The following IL1RAPL2 variants were observed in gnomAD, a reference collection of about 807,000 sequenced individuals.
The protein encoded by IL1RAPL2 is X-linked interleukin-1 receptor accessory protein-like 2.
In IL1RAPL2, 3 loss-of-function variants were observed where a neutral mutation model predicts 44.1. The observed-to-expected ratio is 0.07, with a 90% CI of 0.03 to 0.18. The LOEUF is 0.18. Among genes scored for constraint, IL1RAPL2 ranks in the 10% least tolerant of loss-of-function variants. The probability of loss-of-function intolerance (pLI) is 1.00; values close to 1 mark genes in which losing one functional copy is unlikely to be tolerated. For synonymous variants in IL1RAPL2, 181 were observed against 178.8 expected, an observed-to-expected ratio of 1.01 and a Z score of -0.10; for missense variants, 391 against 496.4, an observed-to-expected ratio of 0.79 and a Z score of 2.02.
At chrX:105,595,696 T>G (rs1328150870) in intron 6 of IL1RAPL2, among the ~76,000 whole-genome samples, 1 of 111,257 alleles carries the variant, frequency 9.0e-6, no homozygotes, top group Non-Finnish European at 1.9e-5. Context: ...AGTTTGGAAG[T>G]GTTCCCTCTA....
At chrX:105,116,988 G>C (rs1318951999) in intron 2 of IL1RAPL2, among the ~76,000 whole-genome samples, 1 of 112,283 alleles carries the variant, frequency 8.9e-6, no homozygotes, top group African/African-American at 3.2e-5. Context: ...GAGCAATCTA[G>C]TACAATGAAA....
At chrX:104,791,105 G>A (rs1424774492) in intron 2 of IL1RAPL2, among the ~76,000 whole-genome samples, 2 of 111,123 alleles carry the variant, frequency 1.8e-5, no homozygotes, top group Non-Finnish European at 3.8e-5. Flanking sequence ...TGAACCAGAA[G>A]GTTGATCAGG....
At chrX:104,620,639 CAAAAAAAAAAAAAAAAA>C (rs771769782) in intron 1 of IL1RAPL2, among the ~76,000 whole-genome samples, 5 of 14,589 alleles carry the variant, frequency 3.4e-4, no homozygotes, top group Admixed American at 1.6e-3. Flanking sequence ...GAGTCTGTCT[CAAAAAAAAAAAAAAAAA>C]AAAAAAAAAA....
At chrX:105,392,308 ATATTCT>A (rs929435407) in intron 5 of IL1RAPL2, among the ~76,000 whole-genome samples, 2 of 110,811 alleles carry the variant, frequency 1.8e-5, no homozygotes, top group African/African-American at 6.6e-5. Flanking sequence ...CCTGTCTGAA[ATATTCT>A]TAGGTAGCAG....
intron 6 of IL1RAPL2, among the ~76,000 whole-genome samples, chrX:105,687,326 G>A (rs944290110): frequency 1.7e-4 from 19 of 109,839 alleles, no homozygotes; most frequent in Non-Finnish European, 3.0e-4. Context: ...TTGATAGACC[G>A]CTAGCAAGAC....
chrX:104,976,699 C>A (rs1441450189), intron 2 of IL1RAPL2, among the ~76,000 whole-genome samples: 1 of 110,293 alleles, frequency 9.1e-6, no homozygotes, highest in Non-Finnish European at 1.9e-5. Context: ...TGTTTCTACA[C>A]CAAATGCCCG....
chrX:104,852,985 A>G (rs1173369268), intron 2 of IL1RAPL2, among the ~76,000 whole-genome samples: 1 of 111,850 alleles, frequency 8.9e-6, no homozygotes, highest in Non-Finnish European at 1.9e-5. Context: ...GCAGGGTACA[A>G]ACATCATCTG....
chrX:105,207,051 A>G (rs1395161140), intron 3 of IL1RAPL2, among the ~76,000 whole-genome samples: 1 of 111,858 alleles, frequency 8.9e-6, no homozygotes, highest in Non-Finnish European at 1.9e-5. Flanking sequence ...TTCACCTTAA[A>G]GTTGAAAATG....
intron 3 of IL1RAPL2, chrX:105,219,910 CT>C: frequency 8.8e-7 from 1 of 1,134,120 alleles, no homozygotes; most frequent in Non-Finnish European, 1.2e-6. Context: ...GGCAGTGGTA[CT>C]GGGCAGGGAC....
At chrX:104,747,658 G>A (rs1487678719) in intron 2 of IL1RAPL2, among the ~76,000 whole-genome samples, 1 of 110,987 alleles carries the variant, frequency 9.0e-6, no homozygotes, top group East Asian at 2.9e-4. Context: ...TTGAGTAGTC[G>A]TTAACCAGGC....
intron 2 of IL1RAPL2, among the ~76,000 whole-genome samples, chrX:104,898,485 A>G (rs1175455185): frequency 8.9e-6 from 1 of 112,734 alleles, no homozygotes; most frequent in African/African-American, 3.2e-5. Context: ...CTTATTTCAA[A>G]TAAGAATCAG....
intron 2 of IL1RAPL2, among the ~76,000 whole-genome samples, chrX:104,749,332 T>A (rs1470733695): frequency 9.0e-6 from 1 of 111,018 alleles, no homozygotes; most frequent in Admixed American, 9.6e-5. Flanking sequence ...AGCCCCTGCA[T>A]GCCTAGCCCA....
At chrX:104,826,014 T>C (rs1921440466) in intron 2 of IL1RAPL2, among the ~76,000 whole-genome samples, 1 of 112,202 alleles carries the variant, frequency 8.9e-6, no homozygotes, top group Non-Finnish European at 1.9e-5. Flanking sequence ...TAAGGAAGCC[T>C]CAACTCTCCT....
At chrX:105,555,377 C>G (rs2036889615) in intron 6 of IL1RAPL2, among the ~76,000 whole-genome samples, 1 of 111,446 alleles carries the variant, frequency 9.0e-6, no homozygotes. Flanking sequence ...TTGCTTATTT[C>G]CCTTCTTTCA....
chrX:104,652,766 CT>C, intron 1 of IL1RAPL2, among the ~76,000 whole-genome samples: 1 of 111,687 alleles, frequency 9.0e-6, no homozygotes, highest in East Asian at 2.8e-4. Context: ...TTTTTAGCTG[CT>C]TTCAGATATT....
At chrX:104,746,310 C>T (rs769098783) in intron 2 of IL1RAPL2, among the ~76,000 whole-genome samples, 32 of 111,101 alleles carry the variant, frequency 2.9e-4, no homozygotes, top group Non-Finnish European at 5.7e-4. Flanking sequence ...CATATTATCC[C>T]ATAATTATCT....
At chrX:105,188,963 T>C (rs1298497228) in intron 2 of IL1RAPL2, among the ~76,000 whole-genome samples, 1 of 112,023 alleles carries the variant, frequency 8.9e-6, no homozygotes, top group Non-Finnish European at 1.9e-5. Flanking sequence ...GCCACTCACA[T>C]TTTAGAGAGT....
chrX:104,963,642 A>G (rs950589805), intron 2 of IL1RAPL2, among the ~76,000 whole-genome samples: 2 of 111,260 alleles, frequency 1.8e-5, no homozygotes, highest in South Asian at 3.8e-4. Context: ...CTCAGGTAGT[A>G]TACGTCCTGA....
At chrX:105,205,360 G>A (rs1324622624) in intron 3 of IL1RAPL2, among the ~76,000 whole-genome samples, 5 of 108,149 alleles carry the variant, frequency 4.6e-5, no homozygotes, top group African/African-American at 1.3e-4. Context: ...AGGCTGAGAC[G>A]GGCAGATCAC....
Sources: allele counts gnomAD v4.1 joint callset (sites outside exome capture counted in the v4.1 genomes callset), GRCh38; gene constraint gnomAD v4.1.1; transcripts MANE v1.5; gene names NCBI Gene and HGNC (gene_info 2026-07-23, HGNC 2026-07-21).